RAB6B: variants seen among roughly 807,000 people sequenced by gnomAD.
RAB6B encodes RAB6B, member RAS oncogene family.
In RAB6B, 7 loss-of-function variants were observed where a neutral mutation model predicts 31.2. The observed-to-expected ratio is 0.22, with a 90% CI of 0.13 to 0.42. The LOEUF (loss-of-function observed/expected upper bound fraction) is 0.42. Ranked by LOEUF, RAB6B falls within the 10% of genes least tolerant of loss-of-function variation. The pLI is 1.00. For synonymous variants in RAB6B, 105 were observed against 104.9 expected (o/e 1.00, Z -0.01); for missense variants, 149 against 280.6 (o/e 0.53, Z 3.35).
In RAB6B at chr3:133,895,642, CCGG is replaced by C; in HGVS notation, c.-179_-177del. 1 of 623,776 alleles carries C rather than the reference CCGG, an allele frequency of 1.6e-6. No individual in the cohort carries two copies. The highest frequency in any genetic ancestry group is 2.8e-6 in the Non-Finnish European group (1 of 360,494). The allele number at this position is 623,776 out of a possible 1,614,324, so 38.6% of individuals were successfully genotyped here. ...CCGGTCCCGGCCTGCGGCTGCGTGT[CCGG>C]CGGCGGAGGAGGAGGAGGAGAGAGA... On this transcript the variant is annotated 5_prime_UTR_variant, in exon 1 of 8. Transcript: ENST00000285208.
chr3:133,866,742 C>G (rs1003138492), intron 1 of RAB6B, among the ~76,000 whole-genome samples: 1 of 152,232 alleles, frequency 6.6e-6, no homozygotes, highest in Non-Finnish European at 1.5e-5. Context: ...CTGAGGACCA[C>G]AGAGGGGAAA....
intron 1 of RAB6B, chr3:133,885,581 A>G: frequency 1.4e-6 from 1 of 703,048 alleles, no homozygotes; most frequent in South Asian, 1.5e-5. Context: ...CTGAGCAGGT[A>G]GCAGAGAGGG....
rs761263159 is a variant in RAB6B, at chr3:133,834,591, C to G, written c.546G>C (p.Glu182Asp). The G allele has an allele frequency of 3.1e-6, 5 of 1,613,822 alleles. No homozygotes were observed. The highest frequency in any genetic ancestry group is 3.4e-6 in the Non-Finnish European group (4 of 1,179,704). The change falls in exon 7 of 8, where the codon GAG becomes GAC. Residue 182 changes from glutamate (E) to aspartate (D), a missense_variant. This residue lies in a region of RAB6B where 74 missense variants were observed against 100.5 expected (regional missense o/e 0.74). Transcript: ENST00000285208. ...SALPGMENVQ[E>D]KSKEGMIDIK... ...AAAGGATACTCCCTTCTTTGCTTTT[C>G]TCCTGGACATTCTCCATTCCGGGTA...
At chr3:133,880,328 T>C (rs1381502580) in intron 1 of RAB6B, among the ~76,000 whole-genome samples, 1 of 152,168 alleles carries the variant, frequency 6.6e-6, no homozygotes, top group Non-Finnish European at 1.5e-5. Flanking sequence ...GCAGGGAGAA[T>C]GAGTAAACAG....
chr3:133,841,758 G>GGT, intron 2 of RAB6B, 95 bp from the exon 3 acceptor site: 1 of 1,267,724 alleles, frequency 7.9e-7, no homozygotes, highest in Non-Finnish European at 1.1e-6. Flanking sequence ...ACCAGCAAGA[G>GGT]GGGACGCTCA....
intron 1 of RAB6B, among the ~76,000 whole-genome samples, chr3:133,880,415 G>A (rs952932741): frequency 6.6e-6 from 1 of 152,232 alleles, no homozygotes; most frequent in Non-Finnish European, 1.5e-5. Context: ...AGGCCAATGG[G>A]CCCGTAACAC....
At chr3:133,838,085 G>C in intron 6 of RAB6B, 81 bp downstream of exon 6, 1 of 1,421,244 alleles carries the variant, frequency 7.0e-7, no homozygotes, top group Non-Finnish European at 9.9e-7. Flanking sequence ...TTCAGGGCAA[G>C]GCAGCTCTGA....
intron 1 of RAB6B, among the ~76,000 whole-genome samples, chr3:133,892,522 C>G (rs1218023498): frequency 6.6e-6 from 1 of 152,194 alleles, no homozygotes; most frequent in Non-Finnish European, 1.5e-5. Context: ...ACACCCTGGT[C>G]CATGCACGCC....
Position 133,827,938 on chromosome 3 carries a change from C to A in RAB6B, c.*850G>T. The A allele has an allele frequency of 1.4e-6, 1 of 702,976 alleles. No homozygotes were observed. Among genetic ancestry groups the A allele is most frequent in the Non-Finnish European group, 2.6e-6 (1 of 384,992 alleles). The allele number at this position is 702,976 out of a possible 1,614,324, so 43.5% of individuals were successfully genotyped here. On this transcript the variant is annotated 3_prime_UTR_variant, in exon 8 of 8. Coordinates refer to ENST00000285208, the MANE Select transcript of RAB6B (RefSeq NM_016577.4). ...AATATTTTCAGAAGTACACATGGCA[C>A]CCCAGTCTATAAACCACGCACCACG...
chr3:133,862,718 G>A (rs1265012001), intron 2 of RAB6B, among the ~76,000 whole-genome samples: 2 of 152,122 alleles, frequency 1.3e-5, no homozygotes, highest in South Asian at 2.1e-4. Flanking sequence ...CATGGAGGTA[G>A]GGCGAGATTT....
chr3:133,850,717 G>C (rs1559904091), intron 2 of RAB6B, among the ~76,000 whole-genome samples: 6 of 152,012 alleles, frequency 3.9e-5, no homozygotes, highest in Admixed American at 3.3e-4. Context: ...AGGAGATGGA[G>C]AATTGGACAA....
chr3:133,828,971 C>G, intron 7 of RAB6B, 119 bp from the exon 8 acceptor site: 1 of 999,544 alleles, frequency 1.0e-6, no homozygotes, highest in South Asian at 1.7e-5. Context: ...AGGGACTTGG[C>G]TCTTGGTTTG....
chr3:133,828,764 G>A lies in RAB6B; in HGVS notation c.*24C>T, dbSNP rs1422853325. ...CAACACAACAAGCAAGGAGTGTCAT[G>A]GGAAGCCACAGGTCGGCTCTGCATT... On this transcript the variant is annotated 3_prime_UTR_variant, in exon 8 of 8. Transcript: ENST00000285208. The A allele has an allele frequency of 2.5e-6, 4 of 1,588,136 alleles. No homozygotes were observed. Among genetic ancestry groups the A allele is most frequent in the Non-Finnish European group, 2.6e-6 (3 of 1,157,484 alleles).
chr3:133,841,125 C>A (rs2692675), intron 4 of RAB6B, among the ~76,000 whole-genome samples, 160 bp downstream of exon 4: 4,901 of 152,192 alleles, frequency 0.032, 184 homozygotes, highest in East Asian at 0.092. Context: ...AGGCAACTCA[C>A]CACTGCTCCC....
Position 133,828,747 on chromosome 3 carries a change from C to G in RAB6B, c.*41G>C, listed in dbSNP as rs762372552. ...AGCTAGCCAATAGGAAGCAACACAA[C>G]AAGCAAGGAGTGTCATGGGAAGCCA... On this transcript the variant is annotated 3_prime_UTR_variant, in exon 8 of 8. Coordinates refer to ENST00000285208, the MANE Select transcript of RAB6B (RefSeq NM_016577.4). 1.9e-6 allele frequency: 3 copies of G among 1,552,784 alleles called. No individual in the cohort carries two copies. The highest frequency in any genetic ancestry group is 2.7e-5 in the African/African-American group (2 of 73,458).
chr3:133,866,852 G>C (rs1386308065), intron 1 of RAB6B, among the ~76,000 whole-genome samples: 1 of 152,256 alleles, frequency 6.6e-6, no homozygotes, highest in Non-Finnish European at 1.5e-5. Flanking sequence ...CTTGGGAAGA[G>C]AGGCATCCCA....
chr3:133,839,410 C>T (rs573431875), intron 5 of RAB6B, 96 bp downstream of exon 5: 5 of 1,096,754 alleles, frequency 4.6e-6, no homozygotes, highest in Admixed American at 1.7e-5. Flanking sequence ...GTCAGAAGCA[C>T]AGACACACCA....
chr3:133,839,558 T>C lies in RAB6B; in HGVS notation c.349A>G (p.Ser117Gly). Residue 117 changes from serine (S) to glycine (G), a missense_variant, in exon 5 of 8, where the codon AGT becomes GGT. By Grantham distance (56) the Ser-to-Gly change is moderately conservative. Around this residue, in one of 2 missense-constraint regions of RAB6B, gnomAD observed 75 missense variants for 180.1 expected, o/e 0.42. Coordinates refer to ENST00000285208, the MANE Select transcript of RAB6B (RefSeq NM_016577.4). Reference sequence around the variant, plus strand: ...CCCACCAGCATGATGATAACATCACTGCCCCTCTCTGTCCTGACGTCGTCG... The same window carrying C: ...CCCACCAGCATGATGATAACATCACCGCCCCTCTCTGTCCTGACGTCGTCG... ...WIDDVRTERG[S>G]DVIIMLVGNK... 6.2e-7 allele frequency: 1 copy of C among 1,614,238 alleles called. No individual in the cohort carries two copies. The highest frequency in any genetic ancestry group is 8.5e-7 in the Non-Finnish European group (1 of 1,180,030).
intron 1 of RAB6B, among the ~76,000 whole-genome samples, chr3:133,890,365 G>A (rs1167029128): frequency 6.6e-6 from 1 of 152,162 alleles, no homozygotes; most frequent in African/African-American, 2.4e-5. Flanking sequence ...AGCACTCTGG[G>A]AGGCTGAGGT....
Sources: gnomAD v4.1 joint callset for allele counts (sites outside exome capture counted in the v4.1 genomes callset) on GRCh38, gnomAD v4.1.1 for gene constraint, gnomAD v4.1.1 regional missense constraint, MANE v1.5 for transcripts, NCBI Gene and HGNC (gene_info 2026-07-23, HGNC 2026-07-21) for gene names.